CCNY: variants seen among roughly 807,000 people sequenced by gnomAD.
CCNY encodes cyclin Y.
A neutral mutation model predicts 42.8 loss-of-function variants in CCNY; 19 were observed. That is an observed-to-expected ratio of 0.44 (90% CI 0.31 to 0.65). The LOEUF is 0.65. Ranked by LOEUF, CCNY falls within the 30% of genes least tolerant of loss-of-function variation. CCNY has a pLI of 0.07. For synonymous variants in CCNY, 165 were observed against 162.7 expected (o/e 1.01, Z -0.11); for missense variants, 370 against 437.3 (o/e 0.85, Z 1.37).
At chr10:35,316,685 T>C (rs137926615) in intron 3 of CCNY, among the ~76,000 whole-genome samples, 1,677 of 152,292 alleles carry the variant, frequency 0.011, 42 homozygotes, top group African/African-American at 0.039. Flanking sequence ...TTTTGGATGG[T>C]TGTAAAATTG....
chr10:35,312,105 C>T (rs1012804516), intron 3 of CCNY, among the ~76,000 whole-genome samples: 3 of 151,882 alleles, frequency 2.0e-5, no homozygotes, highest in South Asian at 4.2e-4. Context: ...TGGCTGGTCG[C>T]GGTGGCTCAC....
intron 7 of CCNY, among the ~76,000 whole-genome samples, chr10:35,538,804 C>T (rs570000313): frequency 6.6e-6 from 1 of 152,296 alleles, no homozygotes; most frequent in African/African-American, 2.4e-5. Context: ...TTTATTTTCA[C>T]AAAGCCCAAT....
At chr10:35,285,964 C>T (rs1448762713) in intron 3 of CCNY, among the ~76,000 whole-genome samples, 1 of 152,104 alleles carries the variant, frequency 6.6e-6, no homozygotes, top group Non-Finnish European at 1.5e-5. Flanking sequence ...AGGCACGTGG[C>T]ACCATGCATG....
chr10:35,260,101 T>C (rs2095718470), intron 3 of CCNY, among the ~76,000 whole-genome samples: 1 of 152,128 alleles, frequency 6.6e-6, no homozygotes, highest in Non-Finnish European at 1.5e-5. Context: ...CTTCAGTGCC[T>C]TTTTCTGTTC....
Position 35,270,915 on chromosome 10 carries a change from C to G in CCNY, c.-9+20289C>G, listed in dbSNP as rs1007773540. Among the ~76,000 whole-genome samples the G allele has an allele frequency of 4.0e-5, 6 of 151,704 alleles. No homozygotes were observed. In the East Asian group the frequency reaches 1.2e-3, roughly 29 times the overall value. On this transcript the variant is annotated intron_variant, in intron 3 of 11. Coordinates refer to the CCNY transcript ENST00000374706. Reference sequence around the variant, plus strand: ...TAATTTTTTGTATTTTTAGTAGAAACGGGGCTTCACCGTGTTAGCCGGGAT... The same window carrying G: ...TAATTTTTTGTATTTTTAGTAGAAAGGGGGCTTCACCGTGTTAGCCGGGAT...
intron 1 of CCNY, among the ~76,000 whole-genome samples, chr10:35,400,057 T>A (rs1385513844): frequency 6.6e-6 from 1 of 151,920 alleles, no homozygotes; most frequent in African/African-American, 2.4e-5. Flanking sequence ...AATGGGTCCC[T>A]TCTGACACCT....
intron 2 of CCNY, among the ~76,000 whole-genome samples, chr10:35,489,112 C>A (rs1201410025): frequency 6.6e-6 from 1 of 152,046 alleles, no homozygotes; most frequent in Non-Finnish European, 1.5e-5. Context: ...CCTGTCTCTA[C>A]CAAAAATACA....
At chr10:35,368,299 C>T (rs1371072303) in intron 1 of CCNY, among the ~76,000 whole-genome samples, 3 of 152,058 alleles carry the variant, frequency 2.0e-5, no homozygotes, top group African/African-American at 4.8e-5. Context: ...TGGACTGTGT[C>T]GCAGTGTTTT....
chr10:35,323,959 G>T (rs1007319875), intron 3 of CCNY, among the ~76,000 whole-genome samples: 1 of 151,656 alleles, frequency 6.6e-6, no homozygotes, highest in African/African-American at 2.4e-5. Context: ...GGCAGAGGTT[G>T]CAATGAGCTG....
intron 1 of CCNY, among the ~76,000 whole-genome samples, chr10:35,386,256 C>A (rs1333160563): frequency 6.6e-6 from 1 of 151,964 alleles, no homozygotes; most frequent in African/African-American, 2.4e-5. Flanking sequence ...CCTTTTTTGT[C>A]CTTAGCTCCC....
chr10:35,547,934 C>G (rs973056483), intron 7 of CCNY, among the ~76,000 whole-genome samples: 2 of 152,094 alleles, frequency 1.3e-5, no homozygotes, highest in South Asian at 4.1e-4. Flanking sequence ...TGGTCTTTCC[C>G]TGTAATGGTT....
chr10:35,256,025 TTTAC>T (rs2095715213), intron 3 of CCNY, among the ~76,000 whole-genome samples: 1 of 152,188 alleles, frequency 6.6e-6, no homozygotes. Context: ...CCTGTCCTAT[TTTAC>T]TTACTATTTG....
intron 3 of CCNY, among the ~76,000 whole-genome samples, chr10:35,278,318 C>G (rs61843267): frequency 0.1 from 15,474 of 151,998 alleles, 1,157 homozygotes; most frequent in Non-Finnish European, 0.14. Flanking sequence ...AGAGCACACG[C>G]CGAAGGAGCT....
At chr10:35,414,993 A>G (rs1016698917) in intron 1 of CCNY, among the ~76,000 whole-genome samples, 46 of 152,236 alleles carry the variant, frequency 3.0e-4, no homozygotes, top group Non-Finnish European at 4.4e-5. Flanking sequence ...CCCAGGATGA[A>G]GTGGATCATT....
chr10:35,365,391 TC>T (rs1400423483), intron 1 of CCNY, among the ~76,000 whole-genome samples: 1 of 152,248 alleles, frequency 6.6e-6, no homozygotes, highest in Non-Finnish European at 1.5e-5. Context: ...ATACATAGAT[TC>T]ATTTCTTCTT....
chr10:35,401,497 A>G (rs1837643183), intron 1 of CCNY, among the ~76,000 whole-genome samples: 1 of 152,138 alleles, frequency 6.6e-6, no homozygotes, highest in African/African-American at 2.4e-5. Context: ...TAAATTTCCC[A>G]AAGAAATTTT....
At chr10:35,370,038 A>G (rs1836893377) in intron 1 of CCNY, among the ~76,000 whole-genome samples, 1 of 152,228 alleles carries the variant, frequency 6.6e-6, no homozygotes, top group Non-Finnish European at 1.5e-5. Flanking sequence ...GCTTTAGTTC[A>G]TACAGGCTTC....
intron 3 of CCNY, among the ~76,000 whole-genome samples, chr10:35,280,947 G>C (rs1835293034): frequency 6.6e-6 from 1 of 152,110 alleles, no homozygotes; most frequent in African/African-American, 2.4e-5. Flanking sequence ...GGATCTGGAG[G>C]TATTTCTCCG....
intron 1 of CCNY, among the ~76,000 whole-genome samples, chr10:35,432,182 G>A (rs1838428050): frequency 6.6e-6 from 1 of 152,210 alleles, no homozygotes; most frequent in Non-Finnish European, 1.5e-5. Context: ...TGTAAGTGCT[G>A]TGTTGGAATC....
Sources: allele counts gnomAD v4.1 joint callset (sites outside exome capture counted in the v4.1 genomes callset), GRCh38; gene constraint gnomAD v4.1.1; transcripts MANE v1.5; gene names NCBI Gene and HGNC (gene_info 2026-07-23, HGNC 2026-07-21).